DMTF1: variants seen among roughly 807,000 people sequenced by gnomAD.
The protein encoded by DMTF1 is cyclin-D-binding Myb-like transcription factor 1.
A neutral mutation model predicts 91.1 loss-of-function variants in DMTF1; 39 were observed. The ratio of observed to expected loss-of-function variants is 0.43; its 90% confidence interval spans 0.33 to 0.56. The LOEUF is 0.56. Among genes scored for constraint, DMTF1 ranks in the 20% least tolerant of loss-of-function variants. The pLI, the probability that DMTF1 is intolerant of heterozygous loss-of-function variation, is 0.05. For synonymous variants in DMTF1, 338 were observed against 309.5 expected (o/e 1.09, Z -0.97); for missense variants, 750 against 914.5 (o/e 0.82, Z 2.32).
intron 7 of DMTF1, among the ~76,000 whole-genome samples, chr7:87,177,183 C>G (rs1198975264): frequency 6.6e-6 from 1 of 152,140 alleles, no homozygotes; most frequent in African/African-American, 2.4e-5. Flanking sequence ...GATTCATTCT[C>G]TGGATATTCT....
At chr7:87,195,003 T>G in intron 17 of DMTF1, 28 bp from the exon 18 acceptor site, 2 of 1,565,350 alleles carry the variant, frequency 1.3e-6, no homozygotes, top group Non-Finnish European at 1.8e-6. Context: ...AATATATACA[T>G]TTAAGACTAA....
intron 14 of DMTF1, 40 bp from the exon 15 acceptor site, chr7:87,193,158 G>A: frequency 6.2e-7 from 1 of 1,607,058 alleles, no homozygotes; most frequent in Non-Finnish European, 8.5e-7. Context: ...TATAAAAGTA[G>A]ACTTAATCAT....
At chr7:87,193,136 T>C (rs1325519794) in intron 14 of DMTF1, 62 bp from the exon 15 acceptor site, 5 of 1,569,786 alleles carry the variant, frequency 3.2e-6, no homozygotes, top group Non-Finnish European at 4.4e-6. Context: ...CTAAACTCAG[T>C]CCGTTTTTGT....
chr7:87,181,380 A>C, intron 9 of DMTF1, 39 bp downstream of exon 9: 2 of 1,001,192 alleles, frequency 2.0e-6, no homozygotes, highest in Non-Finnish European at 3.0e-6. Context: ...CTAATTTTTT[A>C]TGTCTTACGT....
intron 14 of DMTF1, 137 bp downstream of exon 14, chr7:87,191,164 T>C: frequency 3.4e-6 from 2 of 596,594 alleles, no homozygotes; most frequent in Non-Finnish European, 2.9e-6. Context: ...ACTTCTACTT[T>C]TATAATTTTA....
chr7:87,160,194 C>A (rs1791894159), intron 1 of DMTF1, among the ~76,000 whole-genome samples: 1 of 151,780 alleles, frequency 6.6e-6, no homozygotes, highest in South Asian at 2.1e-4. Context: ...TTCTGTGTAA[C>A]AACTGTCTTG....
chr7:87,172,398 T>C (rs1795275831), intron 5 of DMTF1, among the ~76,000 whole-genome samples: 1 of 152,232 alleles, frequency 6.6e-6, no homozygotes, highest in African/African-American at 2.4e-5. Context: ...CTATATGTAT[T>C]ACCACCAGAT....
At position 87,175,122 on chromosome 7, in the gene DMTF1, T is replaced by C. The variant is rs534288919; in HGVS notation, c.519+453T>C. Among the ~76,000 whole-genome samples, 112 of 151,712 alleles carry C rather than the reference T, an allele frequency of 7.4e-4. 5 individuals carry two copies. In the South Asian group the frequency reaches 0.023, roughly 31 times the overall value. ...CAACCTCCGTCTCTTGGGCTCCAGC[T>C]ATATTCTCCTGCCTCAGCCTCCTGA... is the stretch of plus-strand genomic sequence containing the variant. On this transcript the variant is annotated intron_variant, in intron 7 of 17. Transcript: ENST00000331242.
intron 13 of DMTF1, among the ~76,000 whole-genome samples, chr7:87,188,786 G>C (rs1454020866): frequency 6.6e-6 from 1 of 152,068 alleles, no homozygotes; most frequent in Non-Finnish European, 1.5e-5. Flanking sequence ...TTCCTATTGG[G>C]AACTGTGTTT....
intron 1 of DMTF1, among the ~76,000 whole-genome samples, chr7:87,153,449 GAGT>G (rs2129035062): frequency 6.6e-6 from 1 of 152,324 alleles, no homozygotes; most frequent in South Asian, 2.1e-4. Context: ...GCAGATTTGA[GAGT>G]AGAAGTGGCC....
At chr7:87,182,450 C>T in intron 10 of DMTF1, 113 bp downstream of exon 10, 1 of 917,482 alleles carries the variant, frequency 1.1e-6, no homozygotes, top group Non-Finnish European at 1.7e-6. Flanking sequence ...CACCTTAGTT[C>T]AGACTTTATT....
At chr7:87,156,587 A>G (rs978423645) in intron 1 of DMTF1, among the ~76,000 whole-genome samples, 6 of 152,124 alleles carry the variant, frequency 3.9e-5, no homozygotes, top group Admixed American at 6.5e-5. Context: ...TAGTGTTCCT[A>G]TTCGTATCTT....
At chr7:87,161,093 CTG>C (rs1187600057) in intron 1 of DMTF1, among the ~76,000 whole-genome samples, 2 of 151,992 alleles carry the variant, frequency 1.3e-5, no homozygotes, top group Non-Finnish European at 2.9e-5. Flanking sequence ...GAATCTTGAA[CTG>C]TGTGTGTTAC....
chr7:87,182,011 A>G (rs1206374367), intron 9 of DMTF1: 2 of 1,523,362 alleles, frequency 1.3e-6, no homozygotes, highest in South Asian at 2.4e-5. Context: ...TTCTTCTCTG[A>G]CCCAGGAAAA....
At chr7:87,189,854 C>A (rs1053053125) in intron 13 of DMTF1, among the ~76,000 whole-genome samples, 13 of 152,004 alleles carry the variant, frequency 8.6e-5, no homozygotes, top group African/African-American at 2.4e-4. Context: ...AGTTTGCTAA[C>A]CTTGATTTAG....
intron 1 of DMTF1, among the ~76,000 whole-genome samples, chr7:87,154,867 G>A (rs1562764400): frequency 6.6e-6 from 1 of 152,030 alleles, no homozygotes; most frequent in African/African-American, 2.4e-5. Flanking sequence ...TGATATCACT[G>A]GTTAGTATTT....
At chr7:87,153,119 C>G (rs74687685) in intron 1 of DMTF1, among the ~76,000 whole-genome samples, 4,367 of 152,090 alleles carry the variant, frequency 0.029, 90 homozygotes, top group Non-Finnish European at 0.044. Flanking sequence ...TCTTTTCCCT[C>G]GTTTGCGCTT....
intron 3 of DMTF1, among the ~76,000 whole-genome samples, chr7:87,165,806 C>T (rs1028053586): frequency 3.9e-5 from 6 of 152,152 alleles, no homozygotes; most frequent in Non-Finnish European, 5.9e-5. Context: ...GAATAAATTA[C>T]TTCTCTCATC....
chr7:87,191,371 T>C (rs1160700830), intron 14 of DMTF1, among the ~76,000 whole-genome samples: 9 of 152,128 alleles, frequency 5.9e-5, no homozygotes, highest in East Asian at 3.9e-4. Flanking sequence ...AACACTGTAC[T>C]AGCCACTGGG....
Sources: allele counts gnomAD v4.1 joint callset (sites outside exome capture counted in the v4.1 genomes callset), GRCh38; gene constraint gnomAD v4.1.1; transcripts MANE v1.5; gene names NCBI Gene and HGNC (gene_info 2026-07-23, HGNC 2026-07-21).